Variants in FAT3 observed in about 807,000 individuals in gnomAD.
The protein encoded by FAT3 is protocadherin Fat 3.
In FAT3, 95 loss-of-function variants were observed where a neutral mutation model predicts 310.2. The observed-to-expected ratio is 0.31, with a 90% CI of 0.26 to 0.36. FAT3 has a LOEUF of 0.36. Among genes scored for constraint, FAT3 ranks in the 10% least tolerant of loss-of-function variants. The pLI is 1.00. For synonymous variants in FAT3, 2,314 were observed against 2,192.9 expected (o/e 1.06, Z -1.54); for missense variants, 5,408 against 5,715.6 (o/e 0.95, Z 1.74).
intron 2 of FAT3, among the ~76,000 whole-genome samples, chr11:92,384,240 C>T (rs1354084171): frequency 6.6e-6 from 1 of 152,136 alleles, no homozygotes; most frequent in Non-Finnish European, 1.5e-5. Context: ...GTGGTCACTT[C>T]ATACCATCTC....
intron 1 of FAT3, among the ~76,000 whole-genome samples, chr11:92,318,308 G>A (rs1381863442): frequency 6.6e-6 from 1 of 152,096 alleles, no homozygotes; most frequent in African/African-American, 2.4e-5. Context: ...AAAGAAGATA[G>A]GACCATTTGT....
Position 92,353,078 on chromosome 11 carries a change from T to A in FAT3, c.966T>A (p.Asn322Lys), listed in dbSNP as rs766949110. Residue 322 changes from asparagine to lysine, a missense_variant, in exon 2 of 28, where the codon AAT (asparagine) becomes AAA (lysine). Asn to Lys is a moderately conservative substitution (Grantham distance 94). This residue lies in a region of FAT3 where 4,588 missense variants were observed against 4,809.8 expected (regional missense o/e 0.95). Coordinates refer to ENST00000525166, the MANE Select transcript of FAT3 (RefSeq NM_001367949.2). ...TGGCTAAGGAAGGAAAGTGGTTGAA[T>A]GAGTACAAGATTAAGGAGAGGAAGC... is the stretch of plus-strand genomic sequence containing the variant. ...FFLAKEGKWL[N>K]EYKIKERKQI... 2.5e-6 allele frequency: 4 copies of A among 1,613,726 alleles called. No individual in the cohort carries two copies. In the Admixed American group the frequency reaches 5.0e-5, roughly 20 times the overall value.
At chr11:92,227,049 G>A (rs1230910267) in intron 1 of FAT3, among the ~76,000 whole-genome samples, 2 of 152,228 alleles carry the variant, frequency 1.3e-5, no homozygotes, top group Non-Finnish European at 1.5e-5. Flanking sequence ...CAGGGGGAGG[G>A]GGCGAGCTGT....
chr11:92,844,811 A>G, intron 19 of FAT3, 79 bp downstream of exon 19: 1 of 1,368,132 alleles, frequency 7.3e-7, no homozygotes, highest in Non-Finnish European at 9.7e-7. Flanking sequence ...GCATGCCTGC[A>G]TTCAATCATT....
intron 3 of FAT3, among the ~76,000 whole-genome samples, chr11:92,685,991 C>A (rs498007): frequency 0.48 from 73,594 of 151,920 alleles, 18,047 homozygotes; most frequent in African/African-American, 0.51. Flanking sequence ...TCATATGTTA[C>A]CCCTAGTGAT....
chr11:92,798,193 A>G lies in FAT3; in HGVS notation c.5180A>G (p.Lys1727Arg). 6.2e-7 allele frequency: 1 copy of G among 1,613,978 alleles called. No individual in the cohort carries two copies. Among genetic ancestry groups the G allele is most frequent in the East Asian group, 2.2e-5 (1 of 44,878 alleles). The part of the protein sequence containing the change: ...NPYSGVITTQ[K>R]ALDYERTSSY... ...TATTCTGGAGTCATCACCACTCAGA[A>G]GGCCCTGGATTATGAGCGCACATCC... Residue 1727 changes from lysine to arginine, a missense_variant, in exon 10 of 28, where the codon AAG (lysine) becomes AGG (arginine). Transcript: ENST00000525166.
intron 4 of FAT3, among the ~76,000 whole-genome samples, chr11:92,705,564 TGGTGGTG>T (rs1565527052): frequency 4.6e-5 from 3 of 64,992 alleles, no homozygotes; most frequent in Non-Finnish European, 8.8e-5. Context: ...GGTGTGATGG[TGGTGGTG>T]GTGGTGATGG....
intron 3 of FAT3, among the ~76,000 whole-genome samples, chr11:92,571,704 T>C (rs1260284296): frequency 6.6e-6 from 1 of 152,208 alleles, no homozygotes. Context: ...TCTCTCTGTA[T>C]GTGTTTCTCT....
In FAT3 at chr11:92,801,510, C is replaced by G. The variant is rs751920193; in HGVS notation, c.8497C>G (p.Leu2833Val). The G allele has an allele frequency of 1.2e-5, 19 of 1,611,316 alleles. No homozygotes were observed. Among genetic ancestry groups the G allele is most frequent in the Non-Finnish European group, 1.6e-5 (19 of 1,178,660 alleles). ...IMEGMPVGTK[L>V]TQVRAIDMDW... The stretch of plus-strand genomic sequence containing the variant: ...GGAAGGGATGCCTGTTGGCACCAAA[C>G]TCACACAAGTGAGAGCTATTGATAT... The change falls in exon 10 of 28, where the codon CTC becomes GTC. Residue 2833 changes from leucine to valine, a missense_variant. This residue lies in a region of FAT3 where 4,588 missense variants were observed against 4,809.8 expected (regional missense o/e 0.95). Coordinates refer to ENST00000525166, the MANE Select transcript of FAT3 (RefSeq NM_001367949.2).
At chr11:92,405,937 T>C (rs1376778514) in intron 2 of FAT3, among the ~76,000 whole-genome samples, 1 of 152,230 alleles carries the variant, frequency 6.6e-6, no homozygotes, top group Non-Finnish European at 1.5e-5. Flanking sequence ...AGCAAAATTG[T>C]TTTGTTTTGA....
intron 3 of FAT3, among the ~76,000 whole-genome samples, chr11:92,688,393 A>G (rs1943697670): frequency 6.6e-6 from 1 of 152,152 alleles, no homozygotes; most frequent in African/African-American, 2.4e-5. Flanking sequence ...TGTTCATGTT[A>G]GAAAAACTAG....
chr11:92,567,129 A>G (rs1274236765), intron 3 of FAT3, among the ~76,000 whole-genome samples: 1 of 151,958 alleles, frequency 6.6e-6, no homozygotes, highest in Non-Finnish European at 1.5e-5. Context: ...AATTTTCACA[A>G]CCTACTCATC....
chr11:92,399,678 T>G (rs1949966083), intron 2 of FAT3, among the ~76,000 whole-genome samples: 1 of 152,184 alleles, frequency 6.6e-6, no homozygotes, highest in East Asian at 1.9e-4. Flanking sequence ...GGGCATGGGT[T>G]CGTATTTTAC....
At chr11:92,422,143 A>G (rs543548323) in intron 2 of FAT3, among the ~76,000 whole-genome samples, 2 of 152,202 alleles carry the variant, frequency 1.3e-5, no homozygotes, top group South Asian at 2.1e-4. Context: ...TCCTTTGCCT[A>G]TACTCCACAA....
At chr11:92,290,569 C>T (rs1390374932) in intron 1 of FAT3, among the ~76,000 whole-genome samples, 2 of 151,756 alleles carry the variant, frequency 1.3e-5, no homozygotes, top group Non-Finnish European at 2.9e-5. Context: ...CCACCCTTTC[C>T]AACATGGCGA....
intron 22 of FAT3, among the ~76,000 whole-genome samples, chr11:92,870,380 G>A (rs559700046): frequency 4.6e-5 from 7 of 152,142 alleles, no homozygotes; most frequent in Non-Finnish European, 7.3e-5. Context: ...CCTCAGGGGA[G>A]TCAGATTCCA....
chr11:92,252,016 T>A (rs1865160523), intron 1 of FAT3, among the ~76,000 whole-genome samples: 1 of 152,106 alleles, frequency 6.6e-6, no homozygotes, highest in African/African-American at 2.4e-5. Context: ...CAACTTTTGG[T>A]TACTTTTAGA....
At chr11:92,243,074 A>G (rs1194714315) in intron 1 of FAT3, among the ~76,000 whole-genome samples, 1 of 152,012 alleles carries the variant, frequency 6.6e-6, no homozygotes, top group Non-Finnish European at 1.5e-5. Flanking sequence ...GGATTATGAA[A>G]CAATGCTAGA....
chr11:92,804,557 A>C (rs1947449374), intron 10 of FAT3, among the ~76,000 whole-genome samples: 1 of 152,050 alleles, frequency 6.6e-6, no homozygotes, highest in South Asian at 2.1e-4. Flanking sequence ...ATTTGGTCTA[A>C]TTGCAGTGCT....
Sources: allele counts gnomAD v4.1 joint callset (sites outside exome capture counted in the v4.1 genomes callset), GRCh38; gene constraint gnomAD v4.1.1; regional missense constraint gnomAD v4.1.1; transcripts MANE v1.5; gene names NCBI Gene and HGNC (gene_info 2026-07-23, HGNC 2026-07-21).